Variants in HOMER2 observed in about 807,000 individuals in gnomAD.
The protein encoded by HOMER2 is homer protein homolog 2.
HOMER2 carries 27 observed loss-of-function variants against 47.0 expected under a neutral mutation model. The observed-to-expected ratio is 0.57, with a 90% CI of 0.42 to 0.79. The LOEUF (loss-of-function observed/expected upper bound fraction) is 0.79, where lower values mean the gene tolerates loss of function less well. Ranked by LOEUF, HOMER2 falls within the 30% of genes least tolerant of loss-of-function variation. The pLI, the probability that HOMER2 is intolerant of heterozygous loss-of-function variation, is 0.00. For synonymous variants in HOMER2, 161 were observed against 163.8 expected, an observed-to-expected ratio of 0.98 and a Z score of 0.13; for missense variants, 443 against 435.0, an observed-to-expected ratio of 1.02 and a Z score of -0.16.
upstream of HOMER2, among the ~76,000 whole-genome samples, chr15:82,954,458 C>CA (rs954492424): frequency 5.1e-5 from 7 of 137,398 alleles, no homozygotes; most frequent in Middle Eastern, 4.4e-3. Context: ...CCACCACGCC[C>CA]AGTTTTTTTT....
chr15:82,876,607 C>A (rs1234959678), intron 2 of HOMER2, among the ~76,000 whole-genome samples: 1 of 152,216 alleles, frequency 6.6e-6, no homozygotes, highest in African/African-American at 2.4e-5. Context: ...GCAATAACCA[C>A]TGGCTGCTTC....
chr15:82,840,201 G>A (rs1655971102), exon 2 of HOMER2: 1 of 152,072 alleles, frequency 6.6e-6, no homozygotes, highest in South Asian at 2.1e-4. Flanking sequence ...AAAATGGCAT[G>A]TAACTTAAGA....
At chr15:82,843,034 T>G (rs1457441202) in exon 2 of HOMER2, 2 of 152,226 alleles carry the variant, frequency 1.3e-5, no homozygotes, top group Admixed American at 6.5e-5. Context: ...GTGTTGGGAT[T>G]ACAGGCAAGA....
At chr15:82,931,742 G>A (rs1214412240) in intron 1 of HOMER2, among the ~76,000 whole-genome samples, 2 of 152,136 alleles carry the variant, frequency 1.3e-5, no homozygotes, top group East Asian at 1.9e-4. Context: ...GAAGACTGAC[G>A]CAGGAGAATC....
At chr15:82,873,251 T>TG (rs1184799764) in intron 3 of HOMER2, among the ~76,000 whole-genome samples, 1 of 152,168 alleles carries the variant, frequency 6.6e-6, no homozygotes, top group Admixed American at 6.5e-5. Context: ...CTGATTCCAC[T>TG]GGGCCCCTTA....
chr15:82,855,075 G>A (rs1361749563), intron 5 of HOMER2, among the ~76,000 whole-genome samples: 2 of 152,134 alleles, frequency 1.3e-5, no homozygotes, highest in Non-Finnish European at 2.9e-5. Context: ...AGTGGCTCAT[G>A]CCTGTAATCC....
At position 82,892,903 on chromosome 15, in the gene HOMER2, T is replaced by C. The variant is rs182962716; in HGVS notation, c.6-62A>G. ...ATGACTTAATGTATAATTTATGATT[T>C]CTAGGCCACCTACTGCCCCAAAAGA... On this transcript the variant is annotated intron_variant, in intron 1 of 8. Coordinates refer to ENST00000450735, the MANE Select transcript of HOMER2 (RefSeq NM_004839.4). 33 of 1,322,754 alleles carry C rather than the reference T, an allele frequency of 2.5e-5. No homozygotes were observed. The African/African-American group carries it at 4.3e-4, about 17-fold the overall frequency. 81.9% of individuals were successfully genotyped at this position (1,322,754 alleles called of 1,614,324 possible).
At chr15:82,973,978 ATCACTTGAGCC>A (rs2030104212) in intron 1 of HOMER2, among the ~76,000 whole-genome samples, 1 of 152,236 alleles carries the variant, frequency 6.6e-6, no homozygotes, top group African/African-American at 2.4e-5. Flanking sequence ...AGGCAGGAGA[ATCACTTGAGCC>A]CAGGAGTCTG....
chr15:82,914,379 A>G (rs145649955), intron 1 of HOMER2, among the ~76,000 whole-genome samples: 4 of 129,164 alleles, frequency 3.1e-5, no homozygotes, highest in Admixed American at 8.4e-5. Context: ...CTCCATCTTT[A>G]AAAAAAAAAA....
At chr15:82,877,458 C>T (rs1220451969) in intron 2 of HOMER2, among the ~76,000 whole-genome samples, 2 of 152,262 alleles carry the variant, frequency 1.3e-5, no homozygotes, top group African/African-American at 2.4e-5. Flanking sequence ...CGTGAACCAC[C>T]GCACCTGGCT....
intron 1 of HOMER2, among the ~76,000 whole-genome samples, chr15:82,942,538 C>T (rs960932012): frequency 2.0e-5 from 3 of 152,174 alleles, no homozygotes; most frequent in African/African-American, 4.8e-5. Flanking sequence ...CTAGAGCCAC[C>T]GATGTCCATC....
At chr15:82,854,883 TC>T in intron 5 of HOMER2, 83 bp from the exon 6 acceptor site, 7 of 1,512,410 alleles carry the variant, frequency 4.6e-6, no homozygotes, top group Non-Finnish European at 6.3e-6. Context: ...GACTCCGCCA[TC>T]CCTCAGCACA....
At chr15:82,859,406 A>G (rs544034857) in intron 4 of HOMER2, among the ~76,000 whole-genome samples, 33 of 152,296 alleles carry the variant, frequency 2.2e-4, no homozygotes, top group African/African-American at 6.5e-4. Flanking sequence ...TGGAGTTCAT[A>G]AAGTCTGTGT....
At chr15:82,981,249 C>G (rs1458077329) in intron 1 of HOMER2, among the ~76,000 whole-genome samples, 1 of 152,194 alleles carries the variant, frequency 6.6e-6, no homozygotes, top group African/African-American at 2.4e-5. Context: ...TGACCCTCAG[C>G]TTTAGTCTTT....
chr15:82,865,400 G>A (rs1032536483), intron 3 of HOMER2, among the ~76,000 whole-genome samples: 5 of 152,176 alleles, frequency 3.3e-5, no homozygotes. Context: ...ACACCTGGCA[G>A]AAAGCAGGGA....
Position 82,891,956 on chromosome 15 carries a change from G to A in HOMER2, c.162+729C>T, listed in dbSNP as rs542386315. Among the ~76,000 whole-genome samples the A allele has an allele frequency of 2.6e-5, 4 of 151,994 alleles. 1 individual carries two copies. In the East Asian group the frequency reaches 7.7e-4, roughly 29 times the overall value. ...AATCCATGTAAAAAATGTACAGCAG[G>A]ATGAAGACAGAAAACCAGCAGGTCT... On this transcript the variant is annotated intron_variant, in intron 2 of 8. Coordinates refer to ENST00000450735, the MANE Select transcript of HOMER2 (RefSeq NM_004839.4).
intron 1 of HOMER2, among the ~76,000 whole-genome samples, chr15:82,948,309 T>G (rs2054426247): frequency 6.8e-6 from 1 of 147,466 alleles, no homozygotes; most frequent in Non-Finnish European, 1.5e-5. Flanking sequence ...GAGAATGGCG[T>G]GAACCCGGGA....
At chr15:82,835,028 T>C (rs573229378), downstream of HOMER2, 5 of 152,370 alleles carry the variant, frequency 3.3e-5, no homozygotes, top group African/African-American at 1.2e-4. Flanking sequence ...ACCCTCACTC[T>C]GGTGATATTA....
intron 2 of HOMER2, among the ~76,000 whole-genome samples, chr15:82,879,974 A>G (rs897602364): frequency 1.3e-5 from 2 of 151,182 alleles, no homozygotes; most frequent in African/African-American, 4.9e-5. Flanking sequence ...AATCACAAAA[A>G]TTTAACATTA....
Sources: allele counts gnomAD v4.1 joint callset (sites outside exome capture counted in the v4.1 genomes callset), GRCh38; gene constraint gnomAD v4.1.1; transcripts MANE v1.5; gene names NCBI Gene and HGNC (gene_info 2026-07-23, HGNC 2026-07-21).